The following CACNA2D3 variants were observed in gnomAD, a reference collection of about 807,000 sequenced individuals.
CACNA2D3 encodes calcium voltage-gated channel auxiliary subunit alpha2delta 3.
A neutral mutation model predicts 160.6 loss-of-function variants in CACNA2D3; 60 were observed. That is an observed-to-expected ratio of 0.37 (90% CI 0.30 to 0.46). The LOEUF is 0.46. Ranked by LOEUF, CACNA2D3 falls within the 20% of genes least tolerant of loss-of-function variation. The probability of loss-of-function intolerance (pLI) is 1.00; values close to 1 mark genes in which losing one functional copy is unlikely to be tolerated. For missense variants in CACNA2D3, 1,205 were observed against 1,365.0 expected, an observed-to-expected ratio of 0.88 and a Z score of 1.85; for synonymous variants, 558 against 492.9, an observed-to-expected ratio of 1.13 and a Z score of -1.75.
At chr3:54,664,477 G>A (rs765546867) in intron 11 of CACNA2D3, among the ~76,000 whole-genome samples, 4 of 152,150 alleles carry the variant, frequency 2.6e-5, no homozygotes, top group East Asian at 1.9e-4. Flanking sequence ...ACTCCTCACC[G>A]CCACCTCCCC....
intron 11 of CACNA2D3, among the ~76,000 whole-genome samples, chr3:54,679,824 T>G (rs1166600272): frequency 6.6e-6 from 1 of 152,266 alleles, no homozygotes; most frequent in Non-Finnish European, 1.5e-5. Context: ...AGAGCTACTG[T>G]GAATATTTTC....
At chr3:54,980,855 T>G (rs368114331) in intron 29 of CACNA2D3, among the ~76,000 whole-genome samples, 10 of 152,358 alleles carry the variant, frequency 6.6e-5, no homozygotes, top group African/African-American at 2.2e-4. Context: ...TTTTTGAAGG[T>G]ATTTTTATTT....
At chr3:55,055,761 C>A (rs1222140571) in intron 35 of CACNA2D3, among the ~76,000 whole-genome samples, 1 of 151,944 alleles carries the variant, frequency 6.6e-6, no homozygotes, top group Non-Finnish European at 1.5e-5. Flanking sequence ...GGTCTTTGAC[C>A]TCCTTGGTTA....
intron 2 of CACNA2D3, among the ~76,000 whole-genome samples, chr3:54,203,880 G>A (rs188162339): frequency 6.6e-6 from 1 of 151,852 alleles, no homozygotes; most frequent in African/African-American, 2.4e-5. Context: ...CCATGACAGG[G>A]GTATGGCGGG....
chr3:54,497,589 C>T (rs1183212147), intron 4 of CACNA2D3, among the ~76,000 whole-genome samples: 1 of 151,854 alleles, frequency 6.6e-6, no homozygotes, highest in East Asian at 1.9e-4. Flanking sequence ...ATACCTATGG[C>T]TTTTGTTTAT....
intron 2 of CACNA2D3, among the ~76,000 whole-genome samples, chr3:54,290,111 G>T (rs1458622529): frequency 1.3e-5 from 2 of 151,880 alleles, no homozygotes; most frequent in Non-Finnish European, 2.9e-5. Flanking sequence ...TACCATCAGA[G>T]TGAACAGGCA....
intron 5 of CACNA2D3, among the ~76,000 whole-genome samples, chr3:54,511,578 G>A (rs536322932): frequency 1.9e-4 from 29 of 152,208 alleles, no homozygotes; most frequent in African/African-American, 6.7e-4. Context: ...TTACTTTCAG[G>A]ATCTAATTTG....
At chr3:54,907,596 T>C (rs150765701) in intron 27 of CACNA2D3, among the ~76,000 whole-genome samples, 19 of 152,346 alleles carry the variant, frequency 1.2e-4, no homozygotes, top group African/African-American at 4.6e-4. Flanking sequence ...TGCTGCTCAC[T>C]AGTCAGTGCT....
chr3:54,622,422 C>A (rs550563881), intron 9 of CACNA2D3, among the ~76,000 whole-genome samples: 30 of 152,266 alleles, frequency 2.0e-4, no homozygotes, highest in African/African-American at 7.2e-4. Context: ...ACTACAGGCG[C>A]CCGCCACCAC....
intron 3 of CACNA2D3, among the ~76,000 whole-genome samples, chr3:54,332,174 A>G (rs1191244186): frequency 6.6e-6 from 1 of 152,200 alleles, no homozygotes; most frequent in Non-Finnish European, 1.5e-5. Context: ...ACGGGACAAT[A>G]AAGGGGTTAT....
At chr3:54,953,395 G>A (rs1469800147) in intron 27 of CACNA2D3, among the ~76,000 whole-genome samples, 5 of 152,100 alleles carry the variant, frequency 3.3e-5, no homozygotes, top group Non-Finnish European at 1.5e-5. Flanking sequence ...GTAACACTAC[G>A]GCTTCTTACC....
intron 4 of CACNA2D3, among the ~76,000 whole-genome samples, chr3:54,392,227 A>T (rs1030665233): frequency 6.6e-6 from 1 of 152,068 alleles, no homozygotes; most frequent in Non-Finnish European, 1.5e-5. Context: ...AAGTCTATAC[A>T]TGTTCTAGTA....
intron 11 of CACNA2D3, among the ~76,000 whole-genome samples, chr3:54,650,157 A>T (rs184916534): frequency 6.6e-5 from 10 of 151,960 alleles, no homozygotes; most frequent in Admixed American, 2.0e-4. Context: ...TTTTAGGGTG[A>T]TATTTCAAAC....
chr3:54,578,252 T>C (rs1702619103), intron 8 of CACNA2D3, among the ~76,000 whole-genome samples: 1 of 152,250 alleles, frequency 6.6e-6, no homozygotes, highest in Non-Finnish European at 1.5e-5. Flanking sequence ...TTCCTTAGAC[T>C]GTTGATATCA....
chr3:54,458,921 A>G (rs142365338), intron 4 of CACNA2D3, among the ~76,000 whole-genome samples: 6,370 of 151,382 alleles, frequency 0.042, 454 homozygotes, highest in African/African-American at 0.15. Context: ...ATCCCTCCCA[A>G]CTTCCCCCAC....
chr3:54,532,593 G>C (rs1378834469), intron 5 of CACNA2D3, among the ~76,000 whole-genome samples: 1 of 152,100 alleles, frequency 6.6e-6, no homozygotes, highest in African/African-American at 2.4e-5. Context: ...GAAGATAATG[G>C]CCTCTAGTTC....
intron 2 of CACNA2D3, among the ~76,000 whole-genome samples, chr3:54,259,859 T>TG (rs1421378865): frequency 6.6e-6 from 1 of 152,254 alleles, no homozygotes; most frequent in African/African-American, 2.4e-5. Context: ...AGCAAAGCCC[T>TG]GCATTCTAGC....
At chr3:54,186,743 T>A (rs761102270) in intron 2 of CACNA2D3, among the ~76,000 whole-genome samples, 13 of 152,114 alleles carry the variant, frequency 8.5e-5, no homozygotes, top group Non-Finnish European at 1.6e-4. Context: ...AAAAAAAAAT[T>A]AACTGAGTTA....
intron 2 of CACNA2D3, among the ~76,000 whole-genome samples, chr3:54,294,427 G>A (rs1197594927): frequency 6.6e-6 from 1 of 151,018 alleles, no homozygotes; most frequent in African/African-American, 2.4e-5. Flanking sequence ...CTGCCCACCA[G>A]CCCTCTGCTT....
Sources: gnomAD v4.1 joint callset for allele counts (sites outside exome capture counted in the v4.1 genomes callset) on GRCh38, gnomAD v4.1.1 for gene constraint, MANE v1.5 for transcripts, NCBI Gene and HGNC (gene_info 2026-07-23, HGNC 2026-07-21) for gene names.